Variants in SRRM2 observed in about 807,000 individuals in gnomAD.
SRRM2 encodes serine/arginine repetitive matrix 2, also known as serine/arginine repetitive matrix protein 2.
In SRRM2, 30 loss-of-function variants were observed where a neutral mutation model predicts 213.8. That is an observed-to-expected ratio of 0.14 (90% CI 0.10 to 0.19). The LOEUF (loss-of-function observed/expected upper bound fraction) is 0.19, where lower values mean the gene tolerates loss of function less well. Among genes scored for constraint, SRRM2 ranks in the 10% least tolerant of loss-of-function variants. SRRM2 has a pLI of 1.00. For missense variants in SRRM2, 4,904 were observed against 3,647.0 expected (o/e 1.34, Z -8.88); for synonymous variants, 2,025 against 1,377.7 (o/e 1.47, Z -10.40).
chr16:2,767,840 T>C lies in SRRM2; in HGVS notation c.7312T>C (p.Ser2438Pro). 6.2e-7 allele frequency: 1 copy of C among 1,613,890 alleles called. No individual in the cohort carries two copies. The change falls in exon 11 of 15, where the codon TCT becomes CCT. Residue 2438 changes from serine to proline, a missense_variant. By Grantham distance (74) the Ser-to-Pro change is moderately conservative. Transcript: ENST00000301740. ...TAGAATGGGCCAGGCTCCTTCACAG[T>C]CTCTTCTCCCTCCAGCACAGGATCA... The part of the protein sequence containing the change: ...SSRMGQAPSQ[S>P]LLPPAQDQPR...
At position 2,768,248 on chromosome 16, in the gene SRRM2, G is replaced by A. The variant is rs1441313141; in HGVS notation, c.7720G>A (p.Val2574Met). 3.9e-6 allele frequency: 6 copies of A among 1,557,600 alleles called. No homozygotes were observed. In the African/African-American group the frequency reaches 5.5e-5, roughly 14 times the overall value. The change falls in exon 11 of 15, where the codon GTG becomes ATG. Residue 2574 changes from valine to methionine, a missense_variant. Val to Met is a conservative substitution (Grantham distance 21). Coordinates refer to ENST00000301740, the MANE Select transcript of SRRM2 (RefSeq NM_016333.4). Reference protein sequence around the residue: ...EGSSLPVQPEVALKRVPSPTP... With the variant: ...EGSSLPVQPEMALKRVPSPTP... ...CTCTAGCCTTCCTGTGCAACCTGAG[G>A]TGGCACTGAAGAGGTGAGGGAGCTT...
At position 2,764,691 on chromosome 16, in the gene SRRM2, C is replaced by T; in HGVS notation, c.4163C>T (p.Pro1388Leu). 2 of 1,614,092 alleles carry T rather than the reference C, an allele frequency of 1.2e-6. No homozygotes were observed. The highest frequency in any genetic ancestry group is 1.7e-6 in the Non-Finnish European group (2 of 1,180,036). Residue 1388 changes from proline to leucine, a missense_variant, in exon 11 of 15, where the codon CCA (proline) becomes CTA (leucine). Pro to Leu is a moderately conservative substitution (Grantham distance 98, BLOSUM62 -3). Coordinates refer to ENST00000301740, the MANE Select transcript of SRRM2 (RefSeq NM_016333.4). ...GGACACAGCAGTTCTGAGTTATCCC[C>T]AGATGCAGTGGAAAAGGCAGGGATG... is the stretch of plus-strand genomic sequence containing the variant. Reference protein sequence around the residue: ...SSGHSSSELSPDAVEKAGMSS... With the variant: ...SSGHSSSELSLDAVEKAGMSS...
In SRRM2 at chr16:2,764,091, G is replaced by T; in HGVS notation, c.3563G>T (p.Ser1188Ile). Residue 1188 changes from serine to isoleucine, a missense_variant, in exon 11 of 15, where the codon AGT (serine) becomes ATT (isoleucine). Ser to Ile is a moderately radical substitution (Grantham distance 142). Transcript: ENST00000301740. ...ASPPRQKDKF[S>I]PFPVQDRPES... ...CCTCCTAGACAGAAAGACAAATTTA[G>T]TCCCTTTCCAGTACAGGATAGGCCT... The T allele has an allele frequency of 6.2e-7, 1 of 1,614,158 alleles. No homozygotes were observed. Among genetic ancestry groups the T allele is most frequent in the South Asian group, 1.1e-5 (1 of 91,082 alleles).
chr16:2,762,797 A>G lies in SRRM2; in HGVS notation c.2269A>G (p.Arg757Gly), dbSNP rs376096608. 1.9e-6 allele frequency: 3 copies of G among 1,614,148 alleles called. No individual in the cohort carries two copies. The highest frequency in any genetic ancestry group is 2.5e-6 in the Non-Finnish European group (3 of 1,180,030). The stretch of plus-strand genomic sequence containing the variant: ...AATGAAGAAATCTCGCATTTCTTCA[A>G]GGCGGAGCAGGTCTCTCTCTTCACC... ...PEMKKSRISS[R>G]RSRSLSSPRS... is the part of the protein sequence containing the mutation. The change falls in exon 11 of 15, where the codon AGG (arginine) becomes GGG (glycine). Residue 757 changes from arginine to glycine, a missense_variant. Coordinates refer to ENST00000301740, the MANE Select transcript of SRRM2 (RefSeq NM_016333.4).
In SRRM2 at chr16:2,761,976, G is replaced by A; in HGVS notation, c.1448G>A (p.Arg483Lys). 1 of 1,614,132 alleles carries A rather than the reference G, an allele frequency of 6.2e-7. No individual in the cohort carries two copies. The highest frequency in any genetic ancestry group is 8.5e-7 in the Non-Finnish European group (1 of 1,180,014). ...CATACCCCCTCCCGTAGGATGGGGA[G>A]GTCCCGTAGCCCTGCCACCGCTAAG... Reference protein sequence around the residue: ...HSHTPSRRMGRSRSPATAKRG... With the variant: ...HSHTPSRRMGKSRSPATAKRG... The change falls in exon 11 of 15, where the codon AGG (arginine) becomes AAG (lysine). Residue 483 changes from arginine to lysine, a missense_variant. Transcript: ENST00000301740.
chr16:2,762,448 A>G lies in SRRM2; in HGVS notation c.1920A>G (p.Pro640=). The stretch of plus-strand genomic sequence containing the variant: ...GACGCAGGTCTCGTAGTAGATCACC[A>G]GCCAGGAGAAGTGGCAGGTCACGCT... The part of the protein sequence containing the change: ...PVRRRSRSRS[P]ARRSGRSRSR... The change falls in exon 11 of 15, where the codon CCA becomes CCG. Residue 640 remains proline (P), a synonymous_variant. Transcript: ENST00000301740. 6.2e-7 allele frequency: 1 copy of G among 1,613,958 alleles called. No individual in the cohort carries two copies. Among genetic ancestry groups the G allele is most frequent in the East Asian group, 2.2e-5 (1 of 44,858 alleles).
rs779600179 is a variant in SRRM2 at position 2,756,412 on chromosome 16, C to CGGCTG, written c.52_53insGGGCT (p.Tyr18TrpfsTer35). The CGGCTG allele has an allele frequency of 6.2e-7, 1 of 1,610,200 alleles. No homozygotes were observed. Among genetic ancestry groups the CGGCTG allele is most frequent in the Non-Finnish European group, 8.5e-7 (1 of 1,178,564 alleles). The stretch of plus-strand genomic sequence containing the variant: ...CGACGCCCCGGGGCAGCGGCACCAA[C>CGGCTG]GGCTACGTCCAGCGCAACCTGTCCC... On this transcript the variant is annotated frameshift_variant, in exon 2 of 15. Coordinates refer to ENST00000301740, the MANE Select transcript of SRRM2 (RefSeq NM_016333.4). LOFTEE classifies it high-confidence loss of function.
chr16:2,752,943 C>A (rs558632485), intron 1 of SRRM2, 97 bp downstream of exon 1: 1 of 154,700 alleles, frequency 6.5e-6, no homozygotes, highest in African/African-American at 2.4e-5. Context: ...CCGCCGAGCT[C>A]CTCCGCGCGC....
Position 2,764,319 on chromosome 16 carries a change from C to G in SRRM2, c.3791C>G (p.Ser1264Cys). 1.2e-6 allele frequency: 2 copies of G among 1,614,172 alleles called. No individual in the cohort carries two copies. The highest frequency in any genetic ancestry group is 1.1e-5 in the South Asian group (1 of 91,074). The change falls in exon 11 of 15, where the codon TCC (serine) becomes TGC (cysteine). Residue 1264 changes from serine (S) to cysteine (C), a missense_variant. By Grantham distance (112) the Ser-to-Cys change is moderately radical. Transcript: ENST00000301740. ...TTGTCTTCAGAACTTAAAGAAATGTCCACAAGTAACTTTGAATCATCTCCT... is the reference window on the plus strand; with the variant it reads ...TTGTCTTCAGAACTTAAAGAAATGTGCACAAGTAACTTTGAATCATCTCCT... ...SHLSSELKEM[S>C]TSNFESSPEV...
chr16:2,756,362 G>GCCA lies in SRRM2; in HGVS notation c.-2_1dup, dbSNP rs758051059. The GCCA allele has an allele frequency of 6.2e-7, 1 of 1,600,108 alleles. No individual in the cohort carries two copies. Among genetic ancestry groups the GCCA allele is most frequent in the Non-Finnish European group, 8.5e-7 (1 of 1,175,664 alleles). The stretch of plus-strand genomic sequence containing the variant: ...CGGTGGTGCCCCCCCCGGGCACGGG[G>GCCA]CCATGTACAACGGGATCGGGCTGCC... On this transcript the variant is annotated 5_prime_UTR_variant, in exon 2 of 15. Transcript: ENST00000301740.
chr16:2,760,656 C>G (rs1459511931), intron 10 of SRRM2, 157 bp downstream of exon 10: 3 of 774,556 alleles, frequency 3.9e-6, no homozygotes, highest in Admixed American at 2.7e-5. Flanking sequence ...ATCTGCAGAA[C>G]TTTTAGTGTT....
At chr16:2,758,876 C>A in intron 5 of SRRM2, 109 bp from the exon 6 acceptor site, 2 of 1,190,822 alleles carry the variant, frequency 1.7e-6, no homozygotes, top group Non-Finnish European at 2.4e-6. Context: ...GGCATTAGTG[C>A]TATTAGGACA....
chr16:2,764,419 A>C lies in SRRM2; in HGVS notation c.3891A>C (p.Glu1297Asp), dbSNP rs1437809037. Residue 1297 changes from glutamate (E) to aspartate (D), a missense_variant, in exon 11 of 15, where the codon GAA becomes GAC. Glu to Asp is a conservative substitution (Grantham distance 45). Coordinates refer to ENST00000301740, the MANE Select transcript of SRRM2 (RefSeq NM_016333.4). ...CACAGGCTTCTTTGGAAGCAGTAGA[A>C]GTCCCTTCAATGGCCTCATCTTGGG... ...SQSQASLEAV[E>D]VPSMASSWGG... 6.2e-7 allele frequency: 1 copy of C among 1,613,296 alleles called. No homozygotes were observed. The highest frequency in any genetic ancestry group is 8.5e-7 in the Non-Finnish European group (1 of 1,179,834).
chr16:2,767,117 C>T lies in SRRM2; in HGVS notation c.6589C>T (p.Pro2197Ser), dbSNP rs748391558. 7.4e-6 allele frequency: 12 copies of T among 1,614,228 alleles called. No homozygotes were observed. The highest frequency in any genetic ancestry group is 1.0e-5 in the Non-Finnish European group (12 of 1,180,040). The change falls in exon 11 of 15, where the codon CCG becomes TCG. Residue 2197 changes from proline to serine, a missense_variant. Pro to Ser is a moderately conservative substitution (Grantham distance 74). Coordinates refer to ENST00000301740, the MANE Select transcript of SRRM2 (RefSeq NM_016333.4). ...CAGTCTTGGCACCGCTCGGCCTCCT[C>T]CGTCCATGTCTGCTGCTGGCCTTGC... ...AISLGTARPPPSMSAAGLAAR... is the reference protein window; with the variant it reads ...AISLGTARPPSSMSAAGLAAR...
At chr16:2,758,578 C>T in intron 5 of SRRM2, 31 bp downstream of exon 5, 1 of 1,586,036 alleles carries the variant, frequency 6.3e-7, no homozygotes, top group Non-Finnish European at 8.7e-7. Flanking sequence ...CTCTGATAGC[C>T]AGAGGACCAA....
In SRRM2 at chr16:2,765,525, G is replaced by A. The variant is rs2150778017; in HGVS notation, c.4997G>A (p.Arg1666Lys). Reference sequence around the variant, plus strand: ...TCTCCTGAACATCCGCCCAAATCCAGAACTGCTCGCAGAGGTTCCAGGTCA... The same window carrying A: ...TCTCCTGAACATCCGCCCAAATCCAAAACTGCTCGCAGAGGTTCCAGGTCA... ...ESSPEHPPKS[R>K]TARRGSRSSP... The change falls in exon 11 of 15, where the codon AGA becomes AAA. Residue 1666 changes from arginine (R) to lysine (K), a missense_variant. Coordinates refer to ENST00000301740, the MANE Select transcript of SRRM2 (RefSeq NM_016333.4). 1 of 1,614,140 alleles carries A rather than the reference G, an allele frequency of 6.2e-7. No individual in the cohort carries two copies. Among genetic ancestry groups the A allele is most frequent in the African/African-American group, 1.3e-5 (1 of 75,040 alleles).
intron 8 of SRRM2, 75 bp from the exon 9 acceptor site, chr16:2,759,494 G>A: frequency 1.2e-6 from 2 of 1,603,032 alleles, no homozygotes; most frequent in Non-Finnish European, 1.7e-6. Flanking sequence ...GACTGGTAAA[G>A]GGTTGAGGGA....
chr16:2,766,691 A>G lies in SRRM2; in HGVS notation c.6163A>G (p.Arg2055Gly). ...ACCACTTGCTATCCGCCGCCGCTCC[A>G]GATCCCGTACTCCACGAACAGCTCG... Reference protein sequence around the residue: ...RSPLAIRRRSRSRTPRTARGK... With the variant: ...RSPLAIRRRSGSRTPRTARGK... The change falls in exon 11 of 15, where the codon AGA becomes GGA. Residue 2055 changes from arginine to glycine, a missense_variant. By Grantham distance (125) the Arg-to-Gly change is moderately radical. Transcript: ENST00000301740. The surrounding 1 kb of genome is among the most constrained non-coding windows in gnomAD (Gnocchi z 7.0). 1.2e-6 allele frequency: 2 copies of G among 1,614,214 alleles called. No individual in the cohort carries two copies. The highest frequency in any genetic ancestry group is 8.5e-7 in the Non-Finnish European group (1 of 1,180,036).
chr16:2,763,693 G>A lies in SRRM2; in HGVS notation c.3165G>A (p.Leu1055=). The change falls in exon 11 of 15, where the codon CTG becomes CTA. Residue 1055 remains leucine, a synonymous_variant. Coordinates refer to ENST00000301740, the MANE Select transcript of SRRM2 (RefSeq NM_016333.4). ...PGESYFGVSS[L]QLKGQSQTSP... ...AGAGCTATTTTGGTGTCTCATCTCTGCAACTGAAAGGACAATCTCAAACTT... is the reference window on the plus strand; with the variant it reads ...AGAGCTATTTTGGTGTCTCATCTCTACAACTGAAAGGACAATCTCAAACTT... The A allele has an allele frequency of 6.2e-7, 1 of 1,614,182 alleles. No individual in the cohort carries two copies. The highest frequency in any genetic ancestry group is 8.5e-7 in the Non-Finnish European group (1 of 1,180,050).
Sources: gnomAD v4.1 joint callset for allele counts on GRCh38, gnomAD v4.1.1 for gene constraint, Gnocchi (gnomAD v3.1) non-coding constraint, MANE v1.5 for transcripts, NCBI Gene and HGNC (gene_info 2026-07-23, HGNC 2026-07-21) for gene names.